The following BICRAL variants were observed in gnomAD, a reference collection of about 807,000 sequenced individuals.
BICRAL encodes BICRA like chromatin remodeling complex associated protein, also known as BRD4-interacting chromatin-remodeling complex-associated protein-like.
BICRAL carries 8 observed loss-of-function variants against 91.8 expected under a neutral mutation model. The ratio of observed to expected loss-of-function variants is 0.09; its 90% CI spans 0.05 to 0.16. BICRAL has a LOEUF of 0.16. BICRAL is among the 10% of genes least tolerant of loss of function. BICRAL has a pLI of 1.00. For synonymous variants in BICRAL, 445 were observed against 491.1 expected (o/e 0.91, Z 1.24); for missense variants, 1,038 against 1,310.9 (o/e 0.79, Z 3.21).
intron 6 of BICRAL, among the ~76,000 whole-genome samples, chr6:42,848,979 C>T (rs1380278554): frequency 1.3e-5 from 2 of 152,156 alleles, no homozygotes. Context: ...AGGGGACATG[C>T]TGTAAAACTG....
chr6:42,812,055 G>A (rs1164727374), intron 2 of BICRAL, among the ~76,000 whole-genome samples: 1 of 152,176 alleles, frequency 6.6e-6, no homozygotes. Flanking sequence ...AATTAACAAT[G>A]TCTGACATCC....
intron 1 of BICRAL, among the ~76,000 whole-genome samples, chr6:42,793,746 G>A (rs940804799): frequency 2.7e-5 from 4 of 149,008 alleles, no homozygotes; most frequent in Non-Finnish European, 4.5e-5. Context: ...ACTTCTATGC[G>A]TAGGCCTCAA....
In BICRAL at chr6:42,763,085, G is replaced by A. The variant is rs985538110; in HGVS notation, c.-261+16062G>A. Among the ~76,000 whole-genome samples, 5 of 152,290 alleles carry A rather than the reference G, an allele frequency of 3.3e-5. No homozygotes were observed. In the South Asian group the frequency reaches 1.0e-3, roughly 32 times the overall value. ...AGTAGAACAGATTCTCTGGGTGAAT[G>A]AGCCCAAAGGTCAAACAGATCAAGC... is the stretch of plus-strand genomic sequence containing the variant. On this transcript the variant is annotated intron_variant, in intron 1 of 14. Coordinates refer to the BICRAL transcript ENST00000614467.
intron 2 of BICRAL, among the ~76,000 whole-genome samples, chr6:42,817,475 C>T (rs1764025377): frequency 6.6e-6 from 1 of 150,808 alleles, no homozygotes; most frequent in Admixed American, 6.6e-5. Context: ...AATACAAGAA[C>T]TCTTTTTTTT....
At chr6:42,755,722 T>G (rs1422217511) in intron 1 of BICRAL, among the ~76,000 whole-genome samples, 1 of 148,630 alleles carries the variant, frequency 6.7e-6, no homozygotes, top group Non-Finnish European at 1.5e-5. Context: ...CAGGCTGGAG[T>G]GCAATGGCGT....
In BICRAL at chr6:42,865,201, C is replaced by T. The variant is rs150491158; in HGVS notation, c.2995C>T (p.Pro999Ser). ...DIMKGSGEPQ[P>S]DLQLTKSLET... ...CATGAAAGGGTCAGGCGAACCCCAG[C>T]CAGATCTCCAGCTGACAAAGAGCTT... The change falls in exon 13 of 13, where the codon CCA becomes TCA. Residue 999 changes from proline (P) to serine (S), a missense_variant. By Grantham distance (74) the Pro-to-Ser change is moderately conservative. This residue lies in a region of BICRAL where 92 missense variants were observed against 147.8 expected (regional missense o/e 0.62). Coordinates refer to ENST00000314073, the MANE Select transcript of BICRAL (RefSeq NM_001393499.1). 1,880 of 1,614,062 alleles carry T rather than the reference C, an allele frequency of 1.2e-3. 2 individuals carry two copies. Among genetic ancestry groups the T allele is most frequent in the Non-Finnish European group, 1.4e-3 (1,702 of 1,179,916 alleles).
chr6:42,822,724 G>A (rs1764175621), intron 3 of BICRAL, 72 bp from the exon 4 acceptor site: 1 of 794,478 alleles, frequency 1.3e-6, no homozygotes, highest in East Asian at 2.7e-5. Context: ...TTCTACTCTA[G>A]TAAAAATTAG....
intron 1 of BICRAL, among the ~76,000 whole-genome samples, chr6:42,749,869 T>C (rs1384986183): frequency 6.6e-6 from 1 of 151,780 alleles, no homozygotes; most frequent in Non-Finnish European, 1.5e-5. Context: ...TTTTTTTTTT[T>C]TTTGAGATAG....
chr6:42,841,181 ATATTTT>A (rs1346014284), intron 6 of BICRAL, among the ~76,000 whole-genome samples: 11 of 134,456 alleles, frequency 8.2e-5, no homozygotes, highest in African/African-American at 3.2e-4. Flanking sequence ...TCACTCTTGA[ATATTTT>A]TTTTTTTTTT....
chr6:42,864,771 G>C lies in BICRAL; in HGVS notation c.2565G>C (p.Pro855=). ...GTAAAGCAAGCAGCTCTCTGCAACC[G>C]CCAGCCAAGGCCCAAGGCAGAGACC... ...HGSKASSSLQ[P]PAKAQGRDRA... is the part of the protein sequence containing the mutation. Residue 855 remains proline (P), a synonymous_variant, in exon 13 of 13, where the codon CCG becomes CCC. Transcript: ENST00000314073. The C allele has an allele frequency of 6.2e-7, 1 of 1,614,134 alleles. No individual in the cohort carries two copies. The highest frequency in any genetic ancestry group is 8.5e-7 in the Non-Finnish European group (1 of 1,180,032).
intron 1 of BICRAL, among the ~76,000 whole-genome samples, chr6:42,748,301 C>G (rs1762322068): frequency 6.6e-6 from 1 of 152,062 alleles, no homozygotes; most frequent in African/African-American, 2.4e-5. Flanking sequence ...ACAACCTGAC[C>G]TTTTAAGTTT....
At chr6:42,860,770 C>T (rs779454383) in intron 11 of BICRAL, among the ~76,000 whole-genome samples, 1 of 152,190 alleles carries the variant, frequency 6.6e-6, no homozygotes. Flanking sequence ...AAGCTGGTGA[C>T]AAATGTCAAA....
chr6:42,833,757 AT>A (rs1450230511), intron 6 of BICRAL, among the ~76,000 whole-genome samples: 6 of 151,580 alleles, frequency 4.0e-5, no homozygotes, highest in African/African-American at 1.5e-4. Context: ...TCACTATCTC[AT>A]TTCATTGTCA....
chr6:42,778,888 G>T (rs1383231341), upstream of BICRAL, among the ~76,000 whole-genome samples: 1 of 152,008 alleles, frequency 6.6e-6, no homozygotes, highest in African/African-American at 2.4e-5. Flanking sequence ...CGCAATCTTG[G>T]CTCACTGCAA....
chr6:42,803,350 G>T (rs890113947), intron 1 of BICRAL, among the ~76,000 whole-genome samples: 1 of 152,106 alleles, frequency 6.6e-6, no homozygotes, highest in African/African-American at 2.4e-5. Context: ...CAGATGTGGG[G>T]AATCAGTTGA....
intron 1 of BICRAL, among the ~76,000 whole-genome samples, chr6:42,767,039 CAAA>C (rs575028938): frequency 2.2e-5 from 2 of 91,186 alleles, no homozygotes; most frequent in Non-Finnish European, 2.2e-5. Context: ...GACTCCATCT[CAAA>C]AAAAAAAAAA....
In BICRAL at chr6:42,826,832, G is replaced by A. The variant is rs748670250; in HGVS notation, c.160-1661G>A. 3.3e-5 allele frequency among the ~76,000 whole-genome samples: 5 copies of A among 152,078 alleles called. No individual in the cohort carries two copies. The East Asian group carries it at 9.7e-4, about 29-fold the overall frequency. On this transcript the variant is annotated intron_variant, in intron 5 of 12. Transcript: ENST00000314073. ...ACAAAGTTTCGCTCTTGTTGCCCAG[G>A]CTGGAGTGCAATGGCACAATCTTGG...
chr6:42,819,109 C>G (rs1456436367), intron 2 of BICRAL, among the ~76,000 whole-genome samples: 1 of 152,102 alleles, frequency 6.6e-6, no homozygotes, highest in Non-Finnish European at 1.5e-5. Context: ...ATAAAATCCA[C>G]CTGGGGTCAG....
chr6:42,805,427 C>G (rs997000419), intron 1 of BICRAL, among the ~76,000 whole-genome samples: 2 of 152,068 alleles, frequency 1.3e-5, no homozygotes, highest in African/African-American at 4.8e-5. Context: ...TAGGAATAAC[C>G]TGGTCTCCAA....
Sources: gnomAD v4.1 joint callset for allele counts (sites outside exome capture counted in the v4.1 genomes callset) on GRCh38, gnomAD v4.1.1 for gene constraint, gnomAD v4.1.1 regional missense constraint, MANE v1.5 for transcripts, NCBI Gene and HGNC (gene_info 2026-07-23, HGNC 2026-07-21) for gene names.